USP12: variants seen among roughly 807,000 people sequenced by gnomAD.
USP12 encodes the protein ubiquitin carboxyl-terminal hydrolase 12.
USP12 carries 19 observed loss-of-function variants against 45.5 expected under a neutral mutation model. The ratio of observed to expected loss-of-function variants is 0.42; its 90% CI spans 0.29 to 0.61. The LOEUF (loss-of-function observed/expected upper bound fraction) is 0.61. USP12 is among the 20% of genes least tolerant of loss of function. The probability of loss-of-function intolerance (pLI) is 0.22; values close to 1 mark genes in which losing one functional copy is unlikely to be tolerated. For synonymous variants in USP12, 149 were observed against 148.8 expected (o/e 1.00, Z -0.01); for missense variants, 242 against 447.7 (o/e 0.54, Z 4.15).
In USP12 at chr13:27,153,624, CA is replaced by C. The variant is rs913739371; in HGVS notation, c.48+17967del. Among the ~76,000 whole-genome samples, 57 of 152,252 alleles carry C rather than the reference CA, an allele frequency of 3.7e-4. 1 individual carries two copies. Among genetic ancestry groups the C allele is most frequent in the Non-Finnish European group, 5.9e-5 (4 of 68,010 alleles). On this transcript the variant is annotated intron_variant, in intron 1 of 8. Coordinates refer to ENST00000282344, the MANE Select transcript of USP12 (RefSeq NM_182488.4). Reference sequence around the variant, plus strand: ...GAAATGTTCAACCTTTCCCCTTCCACAAGTCACCCTCATGGAGCTCACACAC... The same window carrying C: ...GAAATGTTCAACCTTTCCCCTTCCACAGTCACCCTCATGGAGCTCACACAC...
At position 27,128,821 on chromosome 13, in the gene USP12, G is replaced by C. The variant is rs557929649; in HGVS notation, c.49-12225C>G. Among the ~76,000 whole-genome samples, 9 of 152,292 alleles carry C rather than the reference G, an allele frequency of 5.9e-5. No homozygotes were observed. The South Asian group carries it at 1.9e-3, about 32-fold the overall frequency. On this transcript the variant is annotated intron_variant, in intron 1 of 8. Coordinates refer to ENST00000282344, the MANE Select transcript of USP12 (RefSeq NM_182488.4). ...GATGCTTTTCCACTTATAAAAACAT[G>C]AACGCTTCTATTTTTCCCAGCACCT...
intron 1 of USP12, among the ~76,000 whole-genome samples, chr13:27,163,557 C>A (rs375107900): frequency 6.6e-6 from 1 of 152,000 alleles, no homozygotes; most frequent in Non-Finnish European, 1.5e-5. Flanking sequence ...TTGTTTTATA[C>A]GTCCATCCTC....
chr13:27,078,231 T>A (rs1223137774), intron 6 of USP12, among the ~76,000 whole-genome samples: 1 of 152,018 alleles, frequency 6.6e-6, no homozygotes, highest in East Asian at 1.9e-4. Context: ...AAAAAATTTT[T>A]AAAAAGACAA....
In USP12 at chr13:27,158,661, C is replaced by T. The variant is rs145418842; in HGVS notation, c.48+12931G>A. Among the ~76,000 whole-genome samples, 20 of 152,236 alleles carry T rather than the reference C, an allele frequency of 1.3e-4. No homozygotes were observed. The Middle Eastern group carries it at 0.01, about 78-fold the overall frequency. On this transcript the variant is annotated intron_variant, in intron 1 of 8. Coordinates refer to ENST00000282344, the MANE Select transcript of USP12 (RefSeq NM_182488.4). ...ATTCATGTCTCTAAACACATCTAAA[C>T]GTAGAAAAGGTACAGTAACAATACA...
intron 6 of USP12, among the ~76,000 whole-genome samples, chr13:27,085,104 G>A (rs1286344647): frequency 6.6e-6 from 1 of 151,774 alleles, no homozygotes; most frequent in Non-Finnish European, 1.5e-5. Context: ...TGCCATGTAA[G>A]TTTATTCCTA....
chr13:27,112,836 A>T (rs1239074343), intron 2 of USP12, among the ~76,000 whole-genome samples: 1 of 152,214 alleles, frequency 6.6e-6, no homozygotes, highest in Non-Finnish European at 1.5e-5. Context: ...AAAAATAAAC[A>T]TCAGAAATGC....
chr13:27,171,683 G>T lies in USP12; in HGVS notation c.-44C>A. ...CACCCAATCACAGCGGCGGCGGCGGGCGGGGGAGGAGGGGAGCCGGGCCGC... is the reference window on the plus strand; with the variant it reads ...CACCCAATCACAGCGGCGGCGGCGGTCGGGGGAGGAGGGGAGCCGGGCCGC... On this transcript the variant is annotated 5_prime_UTR_variant, in exon 1 of 9. Transcript: ENST00000282344. 2 of 1,206,044 alleles carry T rather than the reference G, an allele frequency of 1.7e-6. No individual in the cohort carries two copies. The highest frequency in any genetic ancestry group is 2.1e-6 in the Non-Finnish European group (2 of 938,352). The allele number at this position is 1,206,044 out of a possible 1,614,324, so 74.7% of individuals were successfully genotyped here.
intron 1 of USP12, among the ~76,000 whole-genome samples, chr13:27,132,067 G>A (rs114214259): frequency 8.1e-4 from 124 of 152,202 alleles, no homozygotes; most frequent in African/African-American, 2.8e-3. Flanking sequence ...CATATAGCAC[G>A]TAAGAAATCC....
chr13:27,075,704 T>C (rs149456980), intron 6 of USP12, among the ~76,000 whole-genome samples: 2 of 152,086 alleles, frequency 1.3e-5, no homozygotes, highest in South Asian at 4.1e-4. Context: ...ACGTCTCTTA[T>C]AATAAGGCTA....
At chr13:27,143,580 TACA>T (rs1877169528) in intron 1 of USP12, among the ~76,000 whole-genome samples, 1 of 152,178 alleles carries the variant, frequency 6.6e-6, no homozygotes, top group Admixed American at 6.5e-5. Flanking sequence ...TCCCTCAGAT[TACA>T]TGGTAATCTG....
chr13:27,094,612 G>A lies in USP12; in HGVS notation c.573+989C>T, dbSNP rs985094699. Among the ~76,000 whole-genome samples, 6 of 151,910 alleles carry A rather than the reference G, an allele frequency of 3.9e-5. No homozygotes were observed. The South Asian group carries it at 8.3e-4, about 21-fold the overall frequency. On this transcript the variant is annotated intron_variant, in intron 4 of 8. Transcript: ENST00000282344. ...TGTGTGCCTACAGACGTGATGCCCC[G>A]AGAAAAACACAACATGAATGATATA...
chr13:27,073,234 G>A (rs1047491913), intron 7 of USP12, among the ~76,000 whole-genome samples: 4 of 152,278 alleles, frequency 2.6e-5, no homozygotes, highest in South Asian at 2.1e-4. Context: ...GGATACCAAA[G>A]ACCTGCTGTG....
At chr13:27,138,193 A>G (rs1876895466) in intron 1 of USP12, among the ~76,000 whole-genome samples, 1 of 152,234 alleles carries the variant, frequency 6.6e-6, no homozygotes, top group African/African-American at 2.4e-5. Context: ...TTTGTTACAC[A>G]GCACAGAAGA....
At chr13:27,150,502 A>C (rs1566004376) in intron 1 of USP12, among the ~76,000 whole-genome samples, 1 of 152,348 alleles carries the variant, frequency 6.6e-6, no homozygotes, top group South Asian at 2.1e-4. Context: ...TAACACTTAA[A>C]ATGGCAATAC....
rs755111432 is a variant in USP12, at chr13:27,171,688, G to A, written c.-49C>T. The stretch of plus-strand genomic sequence containing the variant: ...AATCACAGCGGCGGCGGCGGGCGGG[G>A]GAGGAGGGGAGCCGGGCCGCCCGCT... On this transcript the variant is annotated 5_prime_UTR_variant, in exon 1 of 9. Coordinates refer to ENST00000282344, the MANE Select transcript of USP12 (RefSeq NM_182488.4). The A allele has an allele frequency of 8.5e-7, 1 of 1,178,818 alleles. No individual in the cohort carries two copies. The highest frequency in any genetic ancestry group is 1.1e-6 in the Non-Finnish European group (1 of 919,818). The allele number at this position is 1,178,818 out of a possible 1,614,324, so 73.0% of individuals were successfully genotyped here. A position where few individuals can be genotyped will look rare whatever the true frequency, so the allele number is the denominator to read the frequency against.
chr13:27,117,897 A>G (rs1275304749), intron 1 of USP12: 8 of 509,542 alleles, frequency 1.6e-5, no homozygotes, highest in Non-Finnish European at 3.2e-5. Flanking sequence ...GGGGGATGAC[A>G]CACAAGCAGA....
chr13:27,146,273 G>A (rs1466476576), intron 1 of USP12, among the ~76,000 whole-genome samples: 4 of 152,048 alleles, frequency 2.6e-5, no homozygotes, highest in African/African-American at 9.7e-5. Context: ...GTGGTGGTGG[G>A]CATCTATAGT....
At chr13:27,099,769 A>C (rs528216697) in intron 3 of USP12, among the ~76,000 whole-genome samples, 96 of 152,330 alleles carry the variant, frequency 6.3e-4, no homozygotes, top group African/African-American at 2.2e-3. Context: ...CAAATACAAT[A>C]ATATTAAGAA....
intron 3 of USP12, among the ~76,000 whole-genome samples, chr13:27,100,525 G>C (rs566985626): frequency 6.6e-6 from 1 of 152,202 alleles, no homozygotes; most frequent in Non-Finnish European, 1.5e-5. Context: ...CTCATCCACT[G>C]ATGGCCTGAT....
Sources: allele counts gnomAD v4.1 joint callset (sites outside exome capture counted in the v4.1 genomes callset), GRCh38; gene constraint gnomAD v4.1.1; transcripts MANE v1.5; gene names NCBI Gene and HGNC (gene_info 2026-07-23, HGNC 2026-07-21).